Variants in SCHIP1 observed in about 807,000 individuals in gnomAD.
The protein encoded by SCHIP1 is schwannomin-interacting protein 1.
In SCHIP1, 8 loss-of-function variants were observed where a neutral mutation model predicts 29.7. That is an observed-to-expected ratio of 0.27 (90% CI 0.16 to 0.49). The LOEUF (loss-of-function observed/expected upper bound fraction) is 0.49. Among genes scored for constraint, SCHIP1 ranks in the 20% least tolerant of loss-of-function variants. The probability of loss-of-function intolerance (pLI) is 0.99; values close to 1 mark genes in which losing one functional copy is unlikely to be tolerated. For synonymous variants in SCHIP1, 76 were observed against 94.9 expected, an observed-to-expected ratio of 0.80 and a Z score of 1.16; for missense variants, 193 against 294.6, an observed-to-expected ratio of 0.66 and a Z score of 2.52.
At chr3:159,296,135 G>A in the SCHIP1 span, among the ~76,000 whole-genome samples, 1 of 135,420 alleles carries the variant, frequency 7.4e-6, no homozygotes, top group Non-Finnish European at 1.7e-5. Flanking sequence ...GATTATGCTT[G>A]CTGCTCTTTT....
At chr3:159,864,285 T>C (rs927908189) in intron 1 of SCHIP1, among the ~76,000 whole-genome samples, 2 of 152,128 alleles carry the variant, frequency 1.3e-5, no homozygotes, top group Admixed American at 1.3e-4. Context: ...TTCCAAGCAG[T>C]ACAGTTGCAA....
At chr3:159,665,546 T>TTGTGTGTGTGTGTGTGTGTGTGTG in the SCHIP1 span, among the ~76,000 whole-genome samples, 1 of 147,460 alleles carries the variant, frequency 6.8e-6, no homozygotes, top group African/African-American at 2.5e-5. Flanking sequence ...GTTTTTGGGG[T>TTGTGTGTGTGTGTGTGTGTGTGTG]TGTGTGTGTG....
At chr3:159,446,817 G>A in the SCHIP1 span, among the ~76,000 whole-genome samples, 1 of 152,120 alleles carries the variant, frequency 6.6e-6, no homozygotes, top group Non-Finnish European at 1.5e-5. Context: ...TAAAGCAATG[G>A]AGAACCATCT....
At chr3:159,536,106 T>G in the SCHIP1 span, among the ~76,000 whole-genome samples, 1 of 152,220 alleles carries the variant, frequency 6.6e-6, no homozygotes, top group African/African-American at 2.4e-5. Context: ...TTGGCTACTA[T>G]GTTGAACAGC....
chr3:159,666,529 T>C, the SCHIP1 span, among the ~76,000 whole-genome samples: 1 of 152,220 alleles, frequency 6.6e-6, no homozygotes, highest in Admixed American at 6.5e-5. Flanking sequence ...TATTTATATA[T>C]GTACATAGGT....
At chr3:159,633,194 T>G in the SCHIP1 span, among the ~76,000 whole-genome samples, 3 of 152,254 alleles carry the variant, frequency 2.0e-5, no homozygotes, top group Non-Finnish European at 2.9e-5. Flanking sequence ...TCATTTTCCC[T>G]GTGTTTTTCT....
the SCHIP1 span, among the ~76,000 whole-genome samples, chr3:159,543,208 T>G: frequency 4.7e-4 from 71 of 151,606 alleles, no homozygotes; most frequent in African/African-American, 1.6e-3. Flanking sequence ...GTTTTGTTTT[T>G]TTATTTTATT....
chr3:159,450,966 G>A, the SCHIP1 span, among the ~76,000 whole-genome samples: 4 of 151,634 alleles, frequency 2.6e-5, no homozygotes, highest in East Asian at 3.9e-4. Flanking sequence ...CCACCACCAC[G>A]CCCAGCTAAT....
At chr3:159,353,927 T>G in the SCHIP1 span, among the ~76,000 whole-genome samples, 2 of 152,198 alleles carry the variant, frequency 1.3e-5, no homozygotes, top group African/African-American at 4.8e-5. Context: ...TCAATAATTC[T>G]TTGTTAGCTA....
chr3:159,690,766 G>A, the SCHIP1 span, among the ~76,000 whole-genome samples: 2 of 152,264 alleles, frequency 1.3e-5, no homozygotes, highest in South Asian at 4.2e-4. Context: ...CACTGCTTTA[G>A]ATGTCTCCCA....
At chr3:159,831,998 G>A in the SCHIP1 span, among the ~76,000 whole-genome samples, 1 of 152,062 alleles carries the variant, frequency 6.6e-6, no homozygotes, top group Non-Finnish European at 1.5e-5. Context: ...CTTAACACAC[G>A]TTTATGAGTT....
At chr3:159,800,649 A>G in the SCHIP1 span, among the ~76,000 whole-genome samples, 2 of 149,870 alleles carry the variant, frequency 1.3e-5, no homozygotes, top group Non-Finnish European at 3.0e-5. Context: ...TCCTAGTGAC[A>G]TAAGGAAAAG....
chr3:159,567,878 A>G, the SCHIP1 span, among the ~76,000 whole-genome samples: 17 of 152,252 alleles, frequency 1.1e-4, no homozygotes, highest in African/African-American at 3.6e-4. Context: ...TTGAAATTGC[A>G]TTGAATTTAG....
chr3:159,818,705 C>G, the SCHIP1 span, among the ~76,000 whole-genome samples: 1 of 152,264 alleles, frequency 6.6e-6, no homozygotes, highest in African/African-American at 2.4e-5. Context: ...CTTGCTGGAG[C>G]AGCCTGTCCA....
intron 1 of SCHIP1, chr3:159,853,363 T>A (rs759654994): frequency 1.5e-6 from 1 of 686,056 alleles, no homozygotes. Flanking sequence ...TTAAGTGAAA[T>A]TCTAAAGAGT....
At chr3:159,582,787 TACACACAC>T in the SCHIP1 span, among the ~76,000 whole-genome samples, 49 of 144,236 alleles carry the variant, frequency 3.4e-4, no homozygotes, top group Non-Finnish European at 4.5e-4. Flanking sequence ...AATATATATA[TACACACAC>T]ACACACACAC....
chr3:159,347,503 G>A, the SCHIP1 span, among the ~76,000 whole-genome samples: 1 of 152,144 alleles, frequency 6.6e-6, no homozygotes, highest in Admixed American at 6.5e-5. Context: ...TAAGGGCTAC[G>A]AAAATATTTT....
the SCHIP1 span, among the ~76,000 whole-genome samples, chr3:159,353,708 G>T: frequency 3.9e-5 from 6 of 152,098 alleles, no homozygotes; most frequent in African/African-American, 1.4e-4. Flanking sequence ...TTTTTAAAAA[G>T]AGCTTAAGTA....
the SCHIP1 span, among the ~76,000 whole-genome samples, chr3:159,462,681 A>G: frequency 6.6e-6 from 1 of 152,122 alleles, no homozygotes; most frequent in African/African-American, 2.4e-5. Context: ...GCCAAACTCC[A>G]TGATCTGAAC....
Sources: gnomAD v4.1 joint callset for allele counts (sites outside exome capture counted in the v4.1 genomes callset) on GRCh38, gnomAD v4.1.1 for gene constraint, MANE v1.5 for transcripts, NCBI Gene and HGNC (gene_info 2026-07-23, HGNC 2026-07-21) for gene names.